LINGO2: variants seen among roughly 807,000 people sequenced by gnomAD.
LINGO2 encodes leucine rich repeat and Ig domain containing 2, also known as leucine-rich repeat and immunoglobulin-like domain-containing nogo receptor-interacting protein 2.
In LINGO2, 14 loss-of-function variants were observed where a neutral mutation model predicts 30.6. The ratio of observed to expected loss-of-function variants is 0.46; its 90% CI spans 0.30 to 0.72. The LOEUF (loss-of-function observed/expected upper bound fraction) is 0.72, where lower values mean the gene tolerates loss of function less well. LINGO2 is among the 30% of genes least tolerant of loss of function. The pLI is 0.07. For missense variants in LINGO2, 729 were observed against 751.7 expected (o/e 0.97, Z 0.35); for synonymous variants, 317 against 288.5 (o/e 1.10, Z -1.00).
intron 3 of LINGO2, among the ~76,000 whole-genome samples, chr9:28,298,487 T>A (rs1230197965): frequency 3.5e-5 from 5 of 142,878 alleles, no homozygotes; most frequent in South Asian, 2.2e-4. Context: ...CATGGTGAAA[T>A]CCTGTCTCTA....
the LINGO2 span, among the ~76,000 whole-genome samples, chr9:28,901,801 A>G: frequency 6.6e-6 from 1 of 152,118 alleles, no homozygotes; most frequent in Non-Finnish European, 1.5e-5. Flanking sequence ...CAAATAAGTT[A>G]CAGAACAACC....
At chr9:28,213,385 A>T (rs2133867242) in intron 4 of LINGO2, among the ~76,000 whole-genome samples, 1 of 151,602 alleles carries the variant, frequency 6.6e-6, no homozygotes, top group African/African-American at 2.4e-5. Flanking sequence ...GCAGCCACAA[A>T]AATACAGAAA....
In LINGO2 at chr9:28,276,237, A is replaced by C. The variant is rs997694124; in HGVS notation, c.-87+18971T>G. On this transcript the variant is annotated intron_variant, in intron 4 of 5. Transcript: ENST00000379992. ...GGCTTCATTTCTAAACCAGTTTCTCACCATCCTCTCTTCATGTACACAGAG... is the reference window on the plus strand; with the variant it reads ...GGCTTCATTTCTAAACCAGTTTCTCCCCATCCTCTCTTCATGTACACAGAG... Among the ~76,000 whole-genome samples, 9 of 152,046 alleles carry C rather than the reference A, an allele frequency of 5.9e-5. No homozygotes were observed. In the East Asian group the frequency reaches 7.7e-4, roughly 13 times the overall value.
chr9:28,804,769 T>C, the LINGO2 span, among the ~76,000 whole-genome samples: 7 of 152,228 alleles, frequency 4.6e-5, no homozygotes, highest in Admixed American at 2.0e-4. Flanking sequence ...AGTCAAATCA[T>C]GGCACAGCTG....
chr9:28,194,561 T>TA (rs555810032), intron 4 of LINGO2, among the ~76,000 whole-genome samples: 11,879 of 114,400 alleles, frequency 0.1, 709 homozygotes, highest in African/African-American at 0.16. Flanking sequence ...CTCTCTATCC[T>TA]AAAAAAAAAA....
chr9:28,018,210 A>G (rs1822937379), intron 4 of LINGO2, among the ~76,000 whole-genome samples: 1 of 152,170 alleles, frequency 6.6e-6, no homozygotes, highest in South Asian at 2.1e-4. Context: ...AACTAACTCA[A>G]GATCAATTAA....
At chr9:28,651,653 G>A (rs111921437) in intron 1 of LINGO2, among the ~76,000 whole-genome samples, 1 of 151,592 alleles carries the variant, frequency 6.6e-6, no homozygotes, top group African/African-American at 2.4e-5. Context: ...AATGTACTAT[G>A]TTTTAGTAAA....
At chr9:28,430,730 A>G (rs1823631767) in intron 2 of LINGO2, among the ~76,000 whole-genome samples, 1 of 152,112 alleles carries the variant, frequency 6.6e-6, no homozygotes, top group East Asian at 1.9e-4. Flanking sequence ...TGGGTAGCTT[A>G]AAACAACAAA....
intron 1 of LINGO2, among the ~76,000 whole-genome samples, chr9:28,640,776 C>G (rs1827536685): frequency 6.6e-6 from 1 of 152,056 alleles, no homozygotes; most frequent in Non-Finnish European, 1.5e-5. Flanking sequence ...TTCGAACTTC[C>G]TCCTTTAGCT....
chr9:28,582,016 A>T (rs150492232), intron 1 of LINGO2, among the ~76,000 whole-genome samples: 1 of 151,942 alleles, frequency 6.6e-6, no homozygotes, highest in Non-Finnish European at 1.5e-5. Context: ...CAGACACTCT[A>T]TGTTTGTGAG....
chr9:27,992,355 T>A (rs1024112346), intron 5 of LINGO2, among the ~76,000 whole-genome samples: 3 of 152,256 alleles, frequency 2.0e-5, no homozygotes, highest in African/African-American at 7.2e-5. Flanking sequence ...TAAATCATGA[T>A]GTGTTGGTTC....
the LINGO2 span, among the ~76,000 whole-genome samples, chr9:28,970,239 A>G: frequency 0.91 from 137,918 of 152,134 alleles, 62,709 homozygotes; most frequent in Non-Finnish European, 0.93. Context: ...TGAAGGGCCT[A>G]GACTACTGGA....
chr9:29,195,357 G>C, the LINGO2 span, among the ~76,000 whole-genome samples: 1 of 151,844 alleles, frequency 6.6e-6, no homozygotes, highest in Admixed American at 6.6e-5. Context: ...GTGTGTGTGT[G>C]TGTGTGGGTG....
the LINGO2 span, among the ~76,000 whole-genome samples, chr9:28,735,405 T>C: frequency 6.6e-6 from 1 of 152,184 alleles, no homozygotes; most frequent in Non-Finnish European, 1.5e-5. Context: ...CTAAAGTAAA[T>C]TTACATTTGC....
chr9:28,419,325 C>T (rs1823093599), intron 2 of LINGO2, among the ~76,000 whole-genome samples: 1 of 151,964 alleles, frequency 6.6e-6, no homozygotes, highest in South Asian at 2.1e-4. Context: ...CAAAGAAAAA[C>T]ATTTATTGGA....
intron 4 of LINGO2, among the ~76,000 whole-genome samples, chr9:28,118,153 G>T (rs1351784645): frequency 1.3e-5 from 2 of 152,028 alleles, no homozygotes; most frequent in East Asian, 1.9e-4. Flanking sequence ...TTAGATGATG[G>T]ATTGATAGGT....
the LINGO2 span, among the ~76,000 whole-genome samples, chr9:29,053,686 A>G: frequency 6.6e-6 from 1 of 152,316 alleles, no homozygotes; most frequent in South Asian, 2.1e-4. Context: ...ATTGTGGAGT[A>G]CCAATTATTA....
At chr9:29,045,889 ATTC>A in the LINGO2 span, among the ~76,000 whole-genome samples, 3 of 152,052 alleles carry the variant, frequency 2.0e-5, no homozygotes, top group Non-Finnish European at 4.4e-5. Flanking sequence ...TAGGTATGTT[ATTC>A]TTCTTGTGTC....
At chr9:28,766,716 C>T in the LINGO2 span, among the ~76,000 whole-genome samples, 1 of 150,398 alleles carries the variant, frequency 6.6e-6, no homozygotes, top group African/African-American at 2.5e-5. Flanking sequence ...CTGTGGTATA[C>T]ATAAAGAATG....
Sources: allele counts gnomAD v4.1 joint callset (sites outside exome capture counted in the v4.1 genomes callset), GRCh38; gene constraint gnomAD v4.1.1; transcripts MANE v1.5; gene names NCBI Gene and HGNC (gene_info 2026-07-23, HGNC 2026-07-21).